Variants in C3orf49 observed in about 807,000 individuals in gnomAD.
The protein encoded by C3orf49 is chromosome 3 open reading frame 49, also known as putative uncharacterized protein C3orf49.
C3orf49 carries 27 observed loss-of-function variants against 13.3 expected under a neutral mutation model. That is an observed-to-expected ratio of 2.02 (90% CI 1.49 to 2.79). The LOEUF (loss-of-function observed/expected upper bound fraction) is 2.79. C3orf49 is among the 30% of genes most tolerant of loss of function. The pLI is 0.00. For synonymous variants in C3orf49, 87 were observed against 47.6 expected (o/e 1.83, Z -3.40); for missense variants, 242 against 134.2 (o/e 1.80, Z -3.97).
At chr3:63,798,054 A>G in the C3orf49 span, among the ~76,000 whole-genome samples, 1 of 152,176 alleles carries the variant, frequency 6.6e-6, no homozygotes, top group Non-Finnish European at 1.5e-5. Flanking sequence ...TAGGCATTGT[A>G]TAAGATGTTA....
At chr3:63,787,058 C>T in the C3orf49 span, 1 of 152,138 alleles carries the variant, frequency 6.6e-6, no homozygotes, top group Non-Finnish European at 1.5e-5. Context: ...GAAGATTAAG[C>T]CCAGAAGAAC....
At chr3:63,795,610 T>C in the C3orf49 span, among the ~76,000 whole-genome samples, 1 of 152,128 alleles carries the variant, frequency 6.6e-6, no homozygotes, top group Non-Finnish European at 1.5e-5. Flanking sequence ...CTCTTCCTTC[T>C]AACCGCCCGA....
chr3:63,799,223 A>G, the C3orf49 span, among the ~76,000 whole-genome samples: 1 of 152,282 alleles, frequency 6.6e-6, no homozygotes, highest in East Asian at 1.9e-4. Context: ...TTCCAGTCCC[A>G]TCCTGGATGT....
chr3:63,790,636 C>G, the C3orf49 span, among the ~76,000 whole-genome samples: 2 of 144,128 alleles, frequency 1.4e-5, no homozygotes, highest in South Asian at 4.3e-4. Flanking sequence ...ATGCAGTAAT[C>G]TATTTAAGAC....
At chr3:63,783,566 A>AC in the C3orf49 span, among the ~76,000 whole-genome samples, 6 of 145,604 alleles carry the variant, frequency 4.1e-5, no homozygotes, top group East Asian at 6.0e-4. Context: ...ACACACACAC[A>AC]AATTAGCCAG....
At chr3:63,822,269 C>T (rs1271581842) in intron 1 of C3orf49, among the ~76,000 whole-genome samples, 1 of 152,240 alleles carries the variant, frequency 6.6e-6, no homozygotes, top group Admixed American at 6.5e-5. Flanking sequence ...GCCACCGCGC[C>T]TGGCCCCCTC....
chr3:63,846,388 T>C (rs1701895731), intron 6 of C3orf49, among the ~76,000 whole-genome samples: 1 of 152,128 alleles, frequency 6.6e-6, no homozygotes, highest in Non-Finnish European at 1.5e-5. Flanking sequence ...TTCAGGGTCT[T>C]ACTAGTAACT....
the C3orf49 span, among the ~76,000 whole-genome samples, chr3:63,809,242 C>A: frequency 6.6e-6 from 1 of 152,286 alleles, no homozygotes; most frequent in South Asian, 2.1e-4. Context: ...GGCAAGGAAA[C>A]AGATTCACCC....
chr3:63,842,477 A>C (rs1455362708), intron 5 of C3orf49, among the ~76,000 whole-genome samples: 1 of 152,226 alleles, frequency 6.6e-6, no homozygotes, highest in African/African-American at 2.4e-5. Context: ...GAGTGAATAA[A>C]GAAAATGTGG....
the C3orf49 span, among the ~76,000 whole-genome samples, chr3:63,810,315 C>T: frequency 1.3e-5 from 2 of 152,092 alleles, no homozygotes; most frequent in Admixed American, 6.6e-5. Flanking sequence ...TTGCCTCCTC[C>T]CTATCCCCCT....
the C3orf49 span, among the ~76,000 whole-genome samples, chr3:63,808,971 T>C: frequency 6.6e-6 from 1 of 152,194 alleles, no homozygotes; most frequent in South Asian, 2.1e-4. Flanking sequence ...GTGCTTTTTT[T>C]TTTCTTTTGG....
chr3:63,809,252 C>T, the C3orf49 span, among the ~76,000 whole-genome samples: 13 of 152,310 alleles, frequency 8.5e-5, no homozygotes, highest in South Asian at 1.0e-3. Flanking sequence ...CAGATTCACC[C>T]CTCCAGCCTC....
chr3:63,842,587 G>T (rs1179313389), intron 5 of C3orf49, among the ~76,000 whole-genome samples: 1 of 152,156 alleles, frequency 6.6e-6, no homozygotes, highest in Non-Finnish European at 1.5e-5. Context: ...TCTAAGTGAA[G>T]TAACTCAGGA....
At chr3:63,841,042 T>A (rs1337447731) in intron 5 of C3orf49, among the ~76,000 whole-genome samples, 1 of 152,194 alleles carries the variant, frequency 6.6e-6, no homozygotes, top group African/African-American at 2.4e-5. Context: ...AGTAAGAAAC[T>A]GGTTAAATGA....
chr3:63,830,111 C>T (rs189637842), intron 3 of C3orf49, among the ~76,000 whole-genome samples: 13 of 152,238 alleles, frequency 8.5e-5, no homozygotes, highest in African/African-American at 2.6e-4. Context: ...ACAGGAGCTG[C>T]GCCAGGGTAC....
At chr3:63,824,053 G>A (rs968905275) in intron 2 of C3orf49, among the ~76,000 whole-genome samples, 1 of 151,894 alleles carries the variant, frequency 6.6e-6, no homozygotes, top group Non-Finnish European at 1.5e-5. Context: ...CGTTCGCCTC[G>A]GCCTCCCAAA....
Position 63,832,358 on chromosome 3 carries a change from T to C in C3orf49, c.849+514T>C, listed in dbSNP as rs890537163. On this transcript the variant is annotated intron_variant, in intron 5 of 6. Transcript: ENST00000295896. The stretch of plus-strand genomic sequence containing the variant: ...AGTCCTTTAAAAAATAAATATCTTT[T>C]TTGAAAAACTGGTATTTGTCTGGGG... Among the ~76,000 whole-genome samples the C allele has an allele frequency of 3.3e-5, 5 of 152,222 alleles. No individual in the cohort carries two copies. The East Asian group carries it at 7.7e-4, about 24-fold the overall frequency.
chr3:63,800,530 C>G, the C3orf49 span, among the ~76,000 whole-genome samples: 2 of 151,888 alleles, frequency 1.3e-5, no homozygotes, highest in African/African-American at 4.8e-5. Flanking sequence ...CAAGTATAGA[C>G]CAATGAGATT....
At chr3:63,836,265 A>G (rs761078191) in intron 5 of C3orf49, 92 of 1,585,028 alleles carry the variant, frequency 5.8e-5, no homozygotes, top group Middle Eastern at 3.4e-4. Flanking sequence ...TTATGTATAA[A>G]GGTTAGTTCC....
Sources: gnomAD v4.1 joint callset for allele counts (sites outside exome capture counted in the v4.1 genomes callset) on GRCh38, gnomAD v4.1.1 for gene constraint, MANE v1.5 for transcripts, NCBI Gene and HGNC (gene_info 2026-07-23, HGNC 2026-07-21) for gene names.